MID2: variants seen among roughly 807,000 people sequenced by gnomAD.
MID2 encodes the protein midline 2.
Under a neutral mutation model 46.1 loss-of-function variants are expected in MID2, and 13 were observed. That is an observed-to-expected ratio of 0.28 (90% CI 0.18 to 0.45). The LOEUF is 0.45. Ranked by LOEUF, MID2 falls within the 20% of genes least tolerant of loss-of-function variation. The pLI, the probability that MID2 is intolerant of heterozygous loss-of-function variation, is 1.00. For missense variants in MID2, 431 were observed against 575.4 expected (o/e 0.75, Z 2.57); for synonymous variants, 199 against 212.3 (o/e 0.94, Z 0.55).
intron 3 of MID2, among the ~76,000 whole-genome samples, chrX:107,858,487 C>T (rs1931790813): frequency 8.9e-6 from 1 of 112,238 alleles, no homozygotes; most frequent in Non-Finnish European, 1.9e-5. Flanking sequence ...CATTCTAAAA[C>T]ATAGCGAGGG....
chrX:107,859,622 T>A (rs1569464221), intron 3 of MID2, among the ~76,000 whole-genome samples: 1 of 112,457 alleles, frequency 8.9e-6, no homozygotes, highest in Non-Finnish European at 1.9e-5. Flanking sequence ...TGATAATTAC[T>A]GTAATGAATG....
intron 2 of MID2, among the ~76,000 whole-genome samples, chrX:107,849,234 C>A (rs1195423788): frequency 8.9e-6 from 1 of 112,033 alleles, no homozygotes; most frequent in Non-Finnish European, 1.9e-5. Context: ...AGAACTAATA[C>A]AGATTACACC....
intron 3 of MID2, among the ~76,000 whole-genome samples, chrX:107,880,960 T>G (rs932062746): frequency 1.8e-5 from 2 of 113,182 alleles, no homozygotes; most frequent in Non-Finnish European, 3.7e-5. Context: ...GTATCTTTTT[T>G]CTATCTTATC....
chrX:107,850,379 A>G (rs1271413411), intron 2 of MID2, among the ~76,000 whole-genome samples: 1 of 111,863 alleles, frequency 8.9e-6, no homozygotes, highest in African/African-American at 3.3e-5. Context: ...AATCGCTTCA[A>G]TTCTCTGTTT....
chrX:107,865,132 T>C (rs754503052), intron 3 of MID2, among the ~76,000 whole-genome samples: 1 of 112,258 alleles, frequency 8.9e-6, no homozygotes, highest in South Asian at 3.8e-4. Flanking sequence ...AGGTCCTTGC[T>C]CTTAATGACT....
rs1399549813 is a variant in MID2, at chrX:107,826,432, TA to T, written c.4+6del. The T allele has an allele frequency of 8.8e-7, 1 of 1,136,282 alleles. No homozygotes were observed. 93.6% of individuals were successfully genotyped at this position (1,136,282 alleles called of 1,213,427 possible). A position where few individuals can be genotyped will look rare whatever the true frequency, so the allele number is the denominator to read the frequency against. On this transcript the variant is annotated splice_donor_region_variant and intron_variant, in intron 1 of 9. Transcript: ENST00000262843. ...GGCTGGCACCTGGGAACGCTATGGG[TA>T]AAACGCGCCCCCTCGCCGCGGCCCT...
At chrX:107,832,762 C>T (rs368372727) in intron 1 of MID2, among the ~76,000 whole-genome samples, 1 of 111,984 alleles carries the variant, frequency 8.9e-6, no homozygotes, top group Non-Finnish European at 1.9e-5. Flanking sequence ...TTACTGACCA[C>T]CTAGCCTCTT....
intron 2 of MID2, among the ~76,000 whole-genome samples, chrX:107,842,367 G>A (rs961623038): frequency 1.8e-5 from 2 of 112,198 alleles, no homozygotes; most frequent in Non-Finnish European, 3.8e-5. Flanking sequence ...CTCTTAAGAA[G>A]GGAGCTACTT....
rs1458358006 is a variant in MID2, at chrX:107,840,831, C to T, written c.166C>T (p.Arg56Cys). The part of the protein sequence containing the change: ...AHSLCFSCAH[R>C]ILVSSCSSGE... ...CAGCCTCTGCTTCAGCTGTGCCCATCGCATTTTGGTATCAAGCTGCAGCTC... is the reference window on the plus strand; with the variant it reads ...CAGCCTCTGCTTCAGCTGTGCCCATTGCATTTTGGTATCAAGCTGCAGCTC... The change falls in exon 2 of 10, where the codon CGC becomes TGC. Residue 56 changes from arginine (R) to cysteine (C), a missense_variant. Coordinates refer to ENST00000262843, the MANE Select transcript of MID2 (RefSeq NM_012216.4). The T allele has an allele frequency of 8.3e-7, 1 of 1,209,736 alleles. No individual in the cohort carries two copies. The highest frequency in any genetic ancestry group is 3.0e-5 in the East Asian group (1 of 33,773).
chrX:107,828,883 C>CT (rs1198201233), intron 1 of MID2, among the ~76,000 whole-genome samples: 1 of 110,905 alleles, frequency 9.0e-6, no homozygotes, highest in Non-Finnish European at 1.9e-5. Flanking sequence ...CAGCATTATA[C>CT]TTTTTTTTTC....
intron 1 of MID2, among the ~76,000 whole-genome samples, chrX:107,834,719 C>T (rs1320460308): frequency 9.0e-6 from 1 of 111,385 alleles, no homozygotes; most frequent in African/African-American, 3.3e-5. Context: ...GACAGGGAAT[C>T]ATTGACCTAG....
intron 3 of MID2, chrX:107,894,774 A>T (rs771529327): frequency 9.2e-6 from 1 of 108,943 alleles, no homozygotes; most frequent in South Asian, 4.1e-4. Flanking sequence ...ACATATTTTT[A>T]TTAGGGATTA....
chrX:107,879,558 G>T (rs1932278182), intron 3 of MID2, among the ~76,000 whole-genome samples: 1 of 111,608 alleles, frequency 9.0e-6, no homozygotes, highest in African/African-American at 3.3e-5. Context: ...GGCACAGGGT[G>T]GTGGGCAGGG....
At position 107,920,405 on chromosome X, in the gene MID2, G is replaced by A. The variant is rs1054239298; in HGVS notation, c.1435+2666G>A. Among the ~76,000 whole-genome samples, 42 of 112,256 alleles carry A rather than the reference G, an allele frequency of 3.7e-4. 1 individual carries two copies. Among genetic ancestry groups the A allele is most frequent in the Admixed American group, 5.7e-4 (6 of 10,590 alleles). On this transcript the variant is annotated intron_variant, in intron 7 of 9. Coordinates refer to ENST00000262843, the MANE Select transcript of MID2 (RefSeq NM_012216.4). ...AATGAGAATTCCAACAGATATTTGA[G>A]TGTGTTTGTCTTCTGATTACTTTAT...
chrX:107,835,578 A>G (rs1030235861), intron 1 of MID2, among the ~76,000 whole-genome samples: 6 of 111,736 alleles, frequency 5.4e-5, no homozygotes, highest in Non-Finnish European at 3.8e-5. Flanking sequence ...TAGTATCTCA[A>G]TGTGGTTTTG....
chrX:107,828,153 A>G (rs1320617127), intron 1 of MID2, among the ~76,000 whole-genome samples: 1 of 110,431 alleles, frequency 9.1e-6, no homozygotes, highest in Admixed American at 9.6e-5. Context: ...TTCTGCTCAC[A>G]CCGTGTGAGA....
At chrX:107,911,002 C>A (rs1180705951) in intron 5 of MID2, among the ~76,000 whole-genome samples, 1 of 103,198 alleles carries the variant, frequency 9.7e-6, no homozygotes, top group Non-Finnish European at 2.0e-5. Flanking sequence ...TACAGGCTCA[C>A]GCCATTACGC....
chrX:107,905,592 C>T lies in MID2; in HGVS notation c.1039C>T (p.Arg347Trp), dbSNP rs373155705. The change falls in exon 5 of 10, where the codon CGG becomes TGG. Residue 347 changes from arginine (R) to tryptophan (W), a missense_variant. Coordinates refer to ENST00000262843, the MANE Select transcript of MID2 (RefSeq NM_012216.4). ...EHILKENDQA[R>W]FLQSAKNIAE... ...TATCCTGAAAGAAAATGACCAGGCACGGTTTCTACAGTCTGCAAAAAATAT... is the reference window on the plus strand; with the variant it reads ...TATCCTGAAAGAAAATGACCAGGCATGGTTTCTACAGTCTGCAAAAAATAT... The T allele has an allele frequency of 3.3e-6, 4 of 1,203,370 alleles. No homozygotes were observed. Among genetic ancestry groups the T allele is most frequent in the South Asian group, 1.8e-5 (1 of 54,995 alleles).
chrX:107,910,838 C>T (rs1425647101), intron 5 of MID2, among the ~76,000 whole-genome samples: 2 of 42,063 alleles, frequency 4.8e-5, no homozygotes, highest in African/African-American at 5.7e-4. Context: ...CTTTCCTTTC[C>T]CTCTCTCTTT....
Sources: allele counts gnomAD v4.1 joint callset (sites outside exome capture counted in the v4.1 genomes callset), GRCh38; gene constraint gnomAD v4.1.1; transcripts MANE v1.5; gene names NCBI Gene and HGNC (gene_info 2026-07-23, HGNC 2026-07-21).